The following TTC3 variants were observed in gnomAD, a reference collection of about 807,000 sequenced individuals.
TTC3 encodes the protein E3 ubiquitin-protein ligase TTC3.
In TTC3, 180 loss-of-function variants were observed where a neutral mutation model predicts 249.6. The ratio of observed to expected loss-of-function variants is 0.72; its 90% confidence interval spans 0.64 to 0.82. The LOEUF is 0.82. TTC3 is among the 40% of genes least tolerant of loss of function. The pLI is 0.00. For synonymous variants in TTC3, 717 were observed against 805.0 expected (o/e 0.89, Z 1.85); for missense variants, 2,061 against 2,398.4 (o/e 0.86, Z 2.94).
chr21:37,175,378 C>G (rs995109528), intron 35 of TTC3, among the ~76,000 whole-genome samples: 1 of 151,282 alleles, frequency 6.6e-6, no homozygotes, highest in Non-Finnish European at 1.5e-5. Flanking sequence ...GGGTATATCA[C>G]CTGAGGTCAG....
exon 44 of TTC3, chr21:37,197,929 C>T: frequency 1.9e-6 from 3 of 1,614,044 alleles, no homozygotes; most frequent in Non-Finnish European, 2.5e-6. Context: ...GCTCTGCCAC[C>T]CCCGTGACCA....
chr21:37,157,131 T>G, intron 28 of TTC3: 2 of 1,435,898 alleles, frequency 1.4e-6, no homozygotes, highest in Non-Finnish European at 1.9e-6. Context: ...TATGTTATGC[T>G]AACAATACAC....
intron 16 of TTC3, among the ~76,000 whole-genome samples, chr21:37,131,424 C>G (rs1383697273): frequency 2.0e-5 from 3 of 152,184 alleles, no homozygotes; most frequent in Non-Finnish European, 2.9e-5. Flanking sequence ...GGCTGACGAA[C>G]ACATTGATGT....
chr21:37,094,698 T>C (rs1474931418), intron 8 of TTC3, among the ~76,000 whole-genome samples: 4 of 152,220 alleles, frequency 2.6e-5, no homozygotes, highest in African/African-American at 9.6e-5. Context: ...TTTTTAGCCT[T>C]ATAGATAAGG....
chr21:37,157,853 G>A (rs1305560635), intron 28 of TTC3, among the ~76,000 whole-genome samples: 1 of 152,114 alleles, frequency 6.6e-6, no homozygotes, highest in Non-Finnish European at 1.5e-5. Flanking sequence ...AATATTCCTA[G>A]ATTCTAAATG....
At chr21:37,144,498 A>T (rs988180657) in intron 20 of TTC3, 27 bp from the exon 21 acceptor site, 1 of 1,600,768 alleles carries the variant, frequency 6.2e-7, no homozygotes. Context: ...TACATCTTTA[A>T]TGCCTTTTTC....
chr21:37,073,803 C>G (rs1418240151), intron 1 of TTC3, among the ~76,000 whole-genome samples: 4 of 152,214 alleles, frequency 2.6e-5, no homozygotes, highest in Non-Finnish European at 4.4e-5. Context: ...CGCTCTCGGC[C>G]TTGCAGGTGG....
At chr21:37,090,393 G>A in intron 6 of TTC3, 107 bp downstream of exon 6, 1 of 1,105,618 alleles carries the variant, frequency 9.0e-7, no homozygotes, top group South Asian at 1.5e-5. Flanking sequence ...TTCTATATGT[G>A]GTATTTGGTA....
At chr21:37,180,827 A>G (rs1292301899) in intron 35 of TTC3, among the ~76,000 whole-genome samples, 2 of 151,736 alleles carry the variant, frequency 1.3e-5, no homozygotes, top group Admixed American at 6.6e-5. Context: ...ATGAAACAAT[A>G]AAACTTTAGA....
intron 13 of TTC3, among the ~76,000 whole-genome samples, chr21:37,124,170 C>T (rs918903752): frequency 8.8e-6 from 1 of 113,882 alleles, no homozygotes; most frequent in Admixed American, 1.3e-4. Flanking sequence ...GGCTGGAGTG[C>T]AGTGGCACGA....
intron 12 of TTC3, 58 bp downstream of exon 12, chr21:37,122,037 G>A (rs954922951): frequency 4.0e-6 from 6 of 1,500,708 alleles, no homozygotes; most frequent in Admixed American, 4.3e-5. Context: ...ACTTTGGAGG[G>A]TGGGTTTCTT....
intron 35 of TTC3, among the ~76,000 whole-genome samples, chr21:37,180,105 ATCCTCT>A (rs1397445910): frequency 6.6e-6 from 1 of 152,126 alleles, no homozygotes; most frequent in African/African-American, 2.4e-5. Context: ...TTTCTGCAGC[ATCCTCT>A]TCTTGAGGCC....
At chr21:37,140,528 T>C (rs1332791769) in intron 19 of TTC3, 33 bp from the exon 20 acceptor site, 4 of 1,380,000 alleles carry the variant, frequency 2.9e-6, no homozygotes, top group South Asian at 1.4e-5. Flanking sequence ...TCTCTTTGTA[T>C]GTAAGTGATC....
intron 1 of TTC3, chr21:37,083,213 T>G: frequency 1.0e-6 from 1 of 985,376 alleles, no homozygotes; most frequent in Non-Finnish European, 1.2e-6. Flanking sequence ...TAAGTTTTGT[T>G]TAGGAAGGAC....
intron 41 of TTC3, among the ~76,000 whole-genome samples, chr21:37,193,646 G>A (rs1459284943): frequency 6.6e-6 from 1 of 152,156 alleles, no homozygotes; most frequent in East Asian, 1.9e-4. Flanking sequence ...GGAACTCTTA[G>A]TGTGCCAGGA....
intron 11 of TTC3, among the ~76,000 whole-genome samples, chr21:37,114,563 A>G (rs2075960845): frequency 6.6e-6 from 1 of 152,194 alleles, no homozygotes; most frequent in South Asian, 2.1e-4. Context: ...GAGAAATAGG[A>G]ACACTTTTAC....
rs1025076643 is a variant in TTC3 at position 37,098,019 on chromosome 21, G to A, written c.845+1376G>A. 7.2e-6 allele frequency: 5 copies of A among 691,288 alleles called. No individual in the cohort carries two copies. The Admixed American group carries it at 8.8e-5, about 12-fold the overall frequency. 42.8% of individuals were successfully genotyped at this position (691,288 alleles called of 1,614,324 possible). On this transcript the variant is annotated intron_variant, in intron 10 of 45. Transcript: ENST00000355666. The stretch of plus-strand genomic sequence containing the variant: ...CCTTGGAGAATACCGCTGTATTAAC[G>A]TTATGCAGCTTTTAGATGGCTTAAG...
intron 28 of TTC3, chr21:37,158,037 G>A (rs1472528506): frequency 2.8e-6 from 2 of 718,710 alleles, no homozygotes; most frequent in Non-Finnish European, 3.4e-6. Context: ...AGATGATAAA[G>A]TTCCAATGCA....
At chr21:37,154,143 T>C (rs2079760314) in intron 27 of TTC3, among the ~76,000 whole-genome samples, 3 of 152,194 alleles carry the variant, frequency 2.0e-5, no homozygotes, top group African/African-American at 7.2e-5. Flanking sequence ...GCTGACTGGA[T>C]AGCAACTGGC....
Sources: allele counts gnomAD v4.1 joint callset (sites outside exome capture counted in the v4.1 genomes callset), GRCh38; gene constraint gnomAD v4.1.1; transcripts MANE v1.5; gene names NCBI Gene and HGNC (gene_info 2026-07-23, HGNC 2026-07-21).